The following SOCS2 variants were observed in gnomAD, a reference collection of about 807,000 sequenced individuals.
SOCS2 encodes the protein CIS-2.
A neutral mutation model predicts 18.6 loss-of-function variants in SOCS2; 10 were observed. That is an observed-to-expected ratio of 0.54 (90% CI 0.33 to 0.91). The LOEUF is 0.91. SOCS2 is among the 40% of genes least tolerant of loss of function. The pLI is 0.02. For missense variants in SOCS2, 231 were observed against 247.2 expected (o/e 0.93, Z 0.44); for synonymous variants, 104 against 104.0 (o/e 1.00, Z 0.00).
chr12:93,611,426 G>A, the SOCS2 span, among the ~76,000 whole-genome samples: 5,577 of 152,036 alleles, frequency 0.037, 272 homozygotes, highest in African/African-American at 0.11. Flanking sequence ...TTGTAGAGAC[G>A]GGGTTTCACC....
At chr12:93,599,814 T>A in the SOCS2 span, among the ~76,000 whole-genome samples, 1 of 152,336 alleles carries the variant, frequency 6.6e-6, no homozygotes, top group Admixed American at 6.5e-5. Context: ...TACTGTAAGA[T>A]GATGTAGCAA....
At chr12:93,605,463 T>TA in the SOCS2 span, among the ~76,000 whole-genome samples, 4 of 152,220 alleles carry the variant, frequency 2.6e-5, no homozygotes, top group African/African-American at 9.6e-5. Flanking sequence ...GCCTTATTTT[T>TA]AAAAAAAGTC....
At chr12:93,593,216 T>C in the SOCS2 span, among the ~76,000 whole-genome samples, 2 of 152,174 alleles carry the variant, frequency 1.3e-5, no homozygotes, top group Admixed American at 1.3e-4. Flanking sequence ...AAGATTATTA[T>C]CACGCTGACC....
the SOCS2 span, among the ~76,000 whole-genome samples, chr12:93,600,823 C>T: frequency 1.2e-4 from 18 of 146,842 alleles, no homozygotes; most frequent in African/African-American, 4.3e-4. Flanking sequence ...AGGTCTTGAT[C>T]TGTCACCCGG....
At chr12:93,626,094 C>G in the SOCS2 span, among the ~76,000 whole-genome samples, 1 of 152,172 alleles carries the variant, frequency 6.6e-6, no homozygotes, top group Non-Finnish European at 1.5e-5. Flanking sequence ...AGGTTTGGTT[C>G]TTTCCAGCCT....
the SOCS2 span, among the ~76,000 whole-genome samples, chr12:93,596,656 C>T: frequency 6.6e-6 from 1 of 152,134 alleles, no homozygotes; most frequent in Non-Finnish European, 1.5e-5. Context: ...GGCAAAACTC[C>T]GTCTCTACTA....
chr12:93,603,662 T>A, the SOCS2 span, among the ~76,000 whole-genome samples: 1 of 152,222 alleles, frequency 6.6e-6, no homozygotes, highest in Non-Finnish European at 1.5e-5. Flanking sequence ...CTTGTCTTCC[T>A]CCTCATGTTC....
rs910715312 is a variant in SOCS2 at position 93,572,754 on chromosome 12, C to T, written c.-144C>T. On this transcript the variant is annotated 5_prime_UTR_variant, in exon 1 of 2. Coordinates refer to ENST00000551556, the MANE Select transcript of SOCS2 (RefSeq NM_001270471.2). The surrounding 1 kb of genome is among the most constrained non-coding windows in gnomAD (Gnocchi z 5.0). ...CCTCCAGGATCTGGGGAGAAAGAGC[C>T]CCATCCCTTCTCTCTCTGCCACCAT... 6.8e-6 allele frequency: 7 copies of T among 1,027,334 alleles called. 1 individual carries two copies. The South Asian group carries it at 9.6e-5, about 14-fold the overall frequency. 63.6% of individuals were successfully genotyped at this position (1,027,334 alleles called of 1,614,324 possible).
chr12:93,605,681 A>G, the SOCS2 span, among the ~76,000 whole-genome samples: 1 of 152,248 alleles, frequency 6.6e-6, no homozygotes, highest in Non-Finnish European at 1.5e-5. Flanking sequence ...TTTCTATGGT[A>G]TGAATATCAC....
the SOCS2 span, among the ~76,000 whole-genome samples, chr12:93,594,751 A>C: frequency 6.6e-6 from 1 of 152,202 alleles, no homozygotes; most frequent in African/African-American, 2.4e-5. Flanking sequence ...GGAGTTTGTC[A>C]GGGAATATCA....
chr12:93,597,018 T>C, the SOCS2 span, among the ~76,000 whole-genome samples: 1 of 152,200 alleles, frequency 6.6e-6, no homozygotes, highest in Non-Finnish European at 1.5e-5. Context: ...AAAAGAATTA[T>C]AGATCTCAAA....
the SOCS2 span, among the ~76,000 whole-genome samples, chr12:93,611,341 G>T: frequency 2.6e-5 from 4 of 152,140 alleles, no homozygotes; most frequent in Non-Finnish European, 5.9e-5. Flanking sequence ...TGGTTCAAGC[G>T]ATTCTCCTGC....
In SOCS2 at chr12:93,573,512, C is replaced by T. The variant is rs990860244; in HGVS notation, c.139+476C>T. The T allele has an allele frequency of 6.6e-4, 178 of 269,764 alleles. 2 individuals carry two copies. The East Asian group carries it at 0.011, about 17-fold the overall frequency. The allele number at this position is 269,764 out of a possible 1,614,324, so 16.7% of individuals were successfully genotyped here. A position where few individuals can be genotyped will look rare whatever the true frequency, so the allele number is the denominator to read the frequency against. On this transcript the variant is annotated intron_variant, in intron 1 of 1. Coordinates refer to ENST00000551556, the MANE Select transcript of SOCS2 (RefSeq NM_001270471.2). The stretch of plus-strand genomic sequence containing the variant: ...CTGACACTGCCGCGAGGGCGGCTGC[C>T]CGGGCGTCGAGAGTAGGCTGCGAAG...
At chr12:93,570,115 G>A (rs940504710), upstream of SOCS2, 3 of 152,356 alleles carry the variant, frequency 2.0e-5, no homozygotes, top group Middle Eastern at 3.4e-3. Flanking sequence ...CAGCCCTGGG[G>A]CGTCAGCCCT....
At chr12:93,615,658 CCAT>C in the SOCS2 span, among the ~76,000 whole-genome samples, 1 of 152,202 alleles carries the variant, frequency 6.6e-6, no homozygotes, top group Admixed American at 6.5e-5. Flanking sequence ...TGCAGTGGCA[CCAT>C]GTCATCTCAC....
chr12:93,614,426 T>C, the SOCS2 span, among the ~76,000 whole-genome samples: 10 of 92,366 alleles, frequency 1.1e-4, 1 homozygote, highest in South Asian at 8.3e-4. Context: ...TCTTCCTTTC[T>C]TTCCCTTCCT....
the SOCS2 span, among the ~76,000 whole-genome samples, chr12:93,609,972 G>A: frequency 3.9e-5 from 6 of 152,182 alleles, no homozygotes; most frequent in Admixed American, 1.3e-4. Context: ...AGAAGGGGCT[G>A]AAGTTGCTTT....
At chr12:93,614,619 CTT>C in the SOCS2 span, among the ~76,000 whole-genome samples, 2 of 93,814 alleles carry the variant, frequency 2.1e-5, no homozygotes, top group Admixed American at 2.4e-4. Flanking sequence ...TTCTTTCTTT[CTT>C]TCTTTCTTTC....
At chr12:93,611,676 C>G in the SOCS2 span, among the ~76,000 whole-genome samples, 1 of 152,126 alleles carries the variant, frequency 6.6e-6, no homozygotes, top group Non-Finnish European at 1.5e-5. Context: ...TTGGCAGCCC[C>G]AGGAGTCATA....
Sources: allele counts gnomAD v4.1 joint callset (sites outside exome capture counted in the v4.1 genomes callset), GRCh38; gene constraint gnomAD v4.1.1; non-coding constraint Gnocchi (gnomAD v3.1); transcripts MANE v1.5; gene names NCBI Gene and HGNC (gene_info 2026-07-23, HGNC 2026-07-21).